The following ADCK1 variants were observed in gnomAD, a reference collection of about 807,000 sequenced individuals.
The protein encoded by ADCK1 is aarF domain containing kinase 1.
In ADCK1, 41 loss-of-function variants were observed where a neutral mutation model predicts 52.3. The ratio of observed to expected loss-of-function variants is 0.78; its 90% CI spans 0.61 to 1.02. The LOEUF (loss-of-function observed/expected upper bound fraction) is 1.02. Among genes scored for constraint, ADCK1 ranks in the 50% least tolerant of loss-of-function variants. The probability of loss-of-function intolerance (pLI) is 0.00; values close to 1 mark genes in which losing one functional copy is unlikely to be tolerated. For missense variants in ADCK1, 658 were observed against 679.5 expected (o/e 0.97, Z 0.35); for synonymous variants, 250 against 274.6 (o/e 0.91, Z 0.89).
At chr14:77,842,552 CCTTT>C (rs1438616246) in intron 3 of ADCK1, among the ~76,000 whole-genome samples, 7 of 148,032 alleles carry the variant, frequency 4.7e-5, no homozygotes, top group African/African-American at 1.7e-4. Context: ...TCCCTTCCTT[CCTTT>C]CTATTTTTTT....
intron 7 of ADCK1, among the ~76,000 whole-genome samples, chr14:77,921,127 A>G (rs1453137642): frequency 6.6e-6 from 1 of 151,544 alleles, no homozygotes; most frequent in Non-Finnish European, 1.5e-5. Flanking sequence ...GGAGATCGAG[A>G]CCATCCTGGC....
Position 77,931,670 on chromosome 14 carries a change from C to T in ADCK1, c.1359C>T (p.Ser453=). The change falls in exon 10 of 11, where the codon TCC becomes TCT. Residue 453 remains serine, a synonymous_variant. Transcript: ENST00000238561. ...TGGGCACCCGCGCCAGCGCCAGCTCCTTTCTCAACATGTCACGTTGCTGCA... is the reference window on the plus strand; with the variant it reads ...TGGGCACCCGCGCCAGCGCCAGCTCTTTTCTCAACATGTCACGTTGCTGCA... ...AALGTRASAS[S]FLNMSRCCIR... is the part of the protein sequence containing the mutation. 1 of 1,608,414 alleles carries T rather than the reference C, an allele frequency of 6.2e-7. No homozygotes were observed. Among genetic ancestry groups the T allele is most frequent in the East Asian group, 2.2e-5 (1 of 44,876 alleles).
At chr14:77,801,068 T>TAA (rs1418097478) in intron 1 of ADCK1, among the ~76,000 whole-genome samples, 9 of 152,090 alleles carry the variant, frequency 5.9e-5, no homozygotes, top group Non-Finnish European at 1.3e-4. Context: ...CCGTCTGTAT[T>TAA]AAAAGAAAAA....
intron 4 of ADCK1, among the ~76,000 whole-genome samples, chr14:77,886,514 A>G (rs576824026): frequency 2.6e-5 from 4 of 152,278 alleles, no homozygotes; most frequent in South Asian, 2.1e-4. Flanking sequence ...GTGCACAGGT[A>G]TGAGGATGCG....
At chr14:77,812,837 G>A (rs1297617448) in intron 1 of ADCK1, among the ~76,000 whole-genome samples, 10 of 151,854 alleles carry the variant, frequency 6.6e-5, no homozygotes, top group Admixed American at 6.6e-4. Flanking sequence ...TGATCTGCCC[G>A]CCTCGGCCTC....
chr14:77,925,601 G>C (rs2084170921), intron 8 of ADCK1, among the ~76,000 whole-genome samples, 163 bp from the exon 9 acceptor site: 1 of 152,206 alleles, frequency 6.6e-6, no homozygotes, highest in Non-Finnish European at 1.5e-5. Context: ...GAGTCGCTTT[G>C]AACTTGAAGC....
At chr14:77,888,602 G>A (rs778847407) in intron 5 of ADCK1, among the ~76,000 whole-genome samples, 1 of 152,160 alleles carries the variant, frequency 6.6e-6, no homozygotes, top group Non-Finnish European at 1.5e-5. Context: ...ATGATGTGAA[G>A]TGAGGAGTGT....
intron 3 of ADCK1, among the ~76,000 whole-genome samples, chr14:77,827,350 CAA>C (rs772586548): frequency 0.19 from 13,829 of 71,234 alleles, 404 homozygotes; most frequent in Middle Eastern, 0.27. Context: ...GACTCTGTCT[CAA>C]AAAAAAAAAA....
chr14:77,881,582 G>T (rs974712581), intron 4 of ADCK1, among the ~76,000 whole-genome samples: 8 of 152,174 alleles, frequency 5.3e-5, no homozygotes, highest in African/African-American at 1.9e-4. Context: ...GTACTAAAAA[G>T]ATTCTGTTAA....
intron 4 of ADCK1, among the ~76,000 whole-genome samples, chr14:77,872,155 C>T (rs2082792943): frequency 6.6e-6 from 1 of 152,222 alleles, no homozygotes; most frequent in Non-Finnish European, 1.5e-5. Context: ...CACATGGTCT[C>T]ATCTAGTCCT....
chr14:77,855,519 A>G (rs929217631), intron 3 of ADCK1, among the ~76,000 whole-genome samples: 5 of 152,200 alleles, frequency 3.3e-5, no homozygotes, highest in Non-Finnish European at 5.9e-5. Context: ...GTTCAGTCTG[A>G]GGTTAAACTC....
intron 1 of ADCK1, among the ~76,000 whole-genome samples, chr14:77,801,073 GA>G (rs1458689707): frequency 6.6e-6 from 1 of 151,786 alleles, no homozygotes. Flanking sequence ...TGTATTAAAA[GA>G]AAAAAAGGAA....
chr14:77,839,117 G>T (rs2140083866), intron 3 of ADCK1, among the ~76,000 whole-genome samples: 1 of 152,308 alleles, frequency 6.6e-6, no homozygotes, highest in Non-Finnish European at 1.5e-5. Context: ...GTGCCCTAAA[G>T]GAGATAAAAT....
At chr14:77,851,439 G>A (rs1239025378) in intron 3 of ADCK1, among the ~76,000 whole-genome samples, 1 of 152,146 alleles carries the variant, frequency 6.6e-6, no homozygotes, top group South Asian at 2.1e-4. Context: ...TTTAAGAGTA[G>A]TTTGACAATC....
At chr14:77,868,592 A>G (rs1031259089) in intron 4 of ADCK1, among the ~76,000 whole-genome samples, 10 of 152,188 alleles carry the variant, frequency 6.6e-5, no homozygotes, top group Non-Finnish European at 1.0e-4. Flanking sequence ...CTCAGTCCAC[A>G]GGCTGCACGT....
Position 77,836,765 on chromosome 14 carries a change from CTTTCTTTCTTTTT to C in ADCK1, c.219+14251_219+14263del, listed in dbSNP as rs1241800688. Among the ~76,000 whole-genome samples, 42 of 59,456 alleles carry C rather than the reference CTTTCTTTCTTTTT, an allele frequency of 7.1e-4. No homozygotes were observed. In the South Asian group the frequency reaches 0.02, roughly 28 times the overall value. The allele number at this position is 59,456 out of a possible 152,430, so 39.0% of individuals were successfully genotyped here. On this transcript the variant is annotated intron_variant, in intron 3 of 10. Coordinates refer to ENST00000238561, the MANE Select transcript of ADCK1 (RefSeq NM_020421.4). ...CCTCTATCTCCTCTACCTTTTCTTT[CTTTCTTTCTTTTT>C]TTTTTTTTTTTTTGAGATGGAGTCT... is the stretch of plus-strand genomic sequence containing the variant.
chr14:77,809,359 G>A (rs1566624272), intron 1 of ADCK1, among the ~76,000 whole-genome samples: 2 of 151,594 alleles, frequency 1.3e-5, no homozygotes, highest in South Asian at 4.2e-4. Flanking sequence ...GATGGAGTTT[G>A]GCTCTTGTTG....
chr14:77,871,186 T>A (rs746013691), intron 4 of ADCK1, among the ~76,000 whole-genome samples: 18 of 152,098 alleles, frequency 1.2e-4, no homozygotes, highest in Admixed American at 4.6e-4. Flanking sequence ...AGTGGGGATG[T>A]GGTTCAGGAA....
At chr14:77,864,034 A>C (rs1210670821) in intron 4 of ADCK1, among the ~76,000 whole-genome samples, 2 of 152,000 alleles carry the variant, frequency 1.3e-5, no homozygotes, top group East Asian at 3.9e-4. Flanking sequence ...TTGTACTCTG[A>C]AATTTGTTTT....
Sources: gnomAD v4.1 joint callset for allele counts (sites outside exome capture counted in the v4.1 genomes callset) on GRCh38, gnomAD v4.1.1 for gene constraint, MANE v1.5 for transcripts, NCBI Gene and HGNC (gene_info 2026-07-23, HGNC 2026-07-21) for gene names.